GOT1: variants seen among roughly 807,000 people sequenced by gnomAD.
GOT1 encodes the protein glutamic-oxaloacetic transaminase 1, also known as aspartate aminotransferase, cytoplasmic.
GOT1 carries 25 observed loss-of-function variants against 48.2 expected under a neutral mutation model. The observed-to-expected ratio is 0.52, with a 90% confidence interval of 0.38 to 0.72. The LOEUF is 0.72. GOT1 is among the 30% of genes least tolerant of loss of function. GOT1 has a pLI of 0.00. For synonymous variants in GOT1, 188 were observed against 193.8 expected (o/e 0.97, Z 0.25); for missense variants, 380 against 520.1 (o/e 0.73, Z 2.62).
At chr10:99,428,647 C>T (rs998681576) in intron 1 of GOT1, among the ~76,000 whole-genome samples, 2 of 152,138 alleles carry the variant, frequency 1.3e-5, no homozygotes, top group Non-Finnish European at 2.9e-5. Context: ...CGTGAGCCAC[C>T]GTGGCAGGCA....
chr10:99,427,320 G>C (rs1338306636), intron 1 of GOT1, among the ~76,000 whole-genome samples: 2 of 152,106 alleles, frequency 1.3e-5, no homozygotes, highest in African/African-American at 4.8e-5. Context: ...CCAGGCTGGA[G>C]TGCAGTGGCG....
At chr10:99,414,804 A>T (rs2032872739) in intron 2 of GOT1, among the ~76,000 whole-genome samples, 1 of 152,174 alleles carries the variant, frequency 6.6e-6, no homozygotes, top group African/African-American at 2.4e-5. Flanking sequence ...AAACCGCTCA[A>T]CTACATGAAA....
In GOT1 at chr10:99,406,196, G is replaced by A. The variant is rs374549839; in HGVS notation, c.478C>T (p.Arg160Cys). 2.0e-5 allele frequency: 33 copies of A among 1,613,944 alleles called. No homozygotes were observed. In the Middle Eastern group the frequency reaches 5.0e-4, roughly 24 times the overall value. The change falls in exon 4 of 9, where the codon CGC (arginine) becomes TGC (cysteine). Residue 160 changes from arginine to cysteine, a missense_variant. Transcript: ENST00000370508. Reference sequence around the variant, plus strand: ...CCTCTCTTCTCTGCATCCCAGTAGCGATAGGACCGAATGTCTTTAAAACCA... The same window carrying A: ...CCTCTCTTCTCTGCATCCCAGTAGCAATAGGACCGAATGTCTTTAAAACCA... ...AAGFKDIRSY[R>C]YWDAEKRGLD...
rs558527016 is a variant in GOT1 at position 99,404,825 on chromosome 10, A to C, written c.642+931T>G. Among the ~76,000 whole-genome samples the C allele has an allele frequency of 2.6e-5, 4 of 152,146 alleles. No homozygotes were observed. In the South Asian group the frequency reaches 8.3e-4, roughly 32 times the overall value. The stretch of plus-strand genomic sequence containing the variant: ...TCTAGCCTCATCACTCACACTCCCC[A>C]TGATGTCTGCCTGGGGCTTCTGACC... On this transcript the variant is annotated intron_variant, in intron 5 of 8. Transcript: ENST00000370508.
At position 99,430,117 on chromosome 10, in the gene GOT1, A is replaced by C. The variant is rs1376788959; in HGVS notation, c.118+331T>G. ...AGCCTATCAGGCTTCCTATTTTTCT[A>C]CCTCTCTCTACAAGCTCCGGCAGCC... On this transcript the variant is annotated intron_variant, in intron 1 of 8. Transcript: ENST00000370508. The C allele has an allele frequency of 1.4e-5, 7 of 489,996 alleles. No individual in the cohort carries two copies. The East Asian group carries it at 4.1e-4, about 28-fold the overall frequency. The allele number at this position is 489,996 out of a possible 1,614,324, so 30.4% of individuals were successfully genotyped here.
Position 99,402,732 on chromosome 10 carries a change from G to T in GOT1, c.960-10C>A. The T allele has an allele frequency of 1.9e-6, 3 of 1,611,592 alleles. No individual in the cohort carries two copies. The highest frequency in any genetic ancestry group is 2.5e-6 in the Non-Finnish European group (3 of 1,177,734). Reference sequence around the variant, plus strand: ...CTTCACATTACCTGTCCTGAAGCATGGACAGTGACGTAAATACCAATCCAG... The same window carrying T: ...CTTCACATTACCTGTCCTGAAGCATTGACAGTGACGTAAATACCAATCCAG... On this transcript the variant is annotated splice_polypyrimidine_tract_variant and intron_variant, in intron 7 of 8. Coordinates refer to ENST00000370508, the MANE Select transcript of GOT1 (RefSeq NM_002079.3).
intron 1 of GOT1, among the ~76,000 whole-genome samples, chr10:99,426,390 C>T (rs1416564184): frequency 6.6e-6 from 1 of 152,190 alleles, no homozygotes; most frequent in African/African-American, 2.4e-5. Context: ...ACTTCCCTCA[C>T]CTATCCCCAC....
chr10:99,417,052 T>C (rs1411826577), intron 2 of GOT1, among the ~76,000 whole-genome samples: 2 of 152,188 alleles, frequency 1.3e-5, no homozygotes, highest in African/African-American at 2.4e-5. Context: ...CCAAAAGCAA[T>C]GTCAACAAAA....
chr10:99,414,951 G>A (rs1370111917), intron 2 of GOT1, among the ~76,000 whole-genome samples: 3 of 150,662 alleles, frequency 2.0e-5, no homozygotes, highest in African/African-American at 7.3e-5. Flanking sequence ...AGTGTGTAGA[G>A]GGAAATTTAT....
intron 1 of GOT1, among the ~76,000 whole-genome samples, chr10:99,423,152 C>T (rs1333045043): frequency 2.6e-5 from 4 of 152,158 alleles, no homozygotes; most frequent in African/African-American, 7.2e-5. Context: ...GCCTTACGCA[C>T]TGAGTGTATT....
Position 99,397,696 on chromosome 10 carries a change from AC to A in GOT1, c.1103-11del. The A allele has an allele frequency of 6.2e-7, 1 of 1,613,880 alleles. No homozygotes were observed. Among genetic ancestry groups the A allele is most frequent in the Non-Finnish European group, 8.5e-7 (1 of 1,179,748 alleles). ...TACTCAACCTGCTTGGCTGTTGAAAACCAAAAGAAGACATAATCAGAGCAGA... is the reference window on the plus strand; with the variant it reads ...TACTCAACCTGCTTGGCTGTTGAAAACAAAAGAAGACATAATCAGAGCAGA... On this transcript the variant is annotated splice_polypyrimidine_tract_variant and intron_variant, in intron 8 of 8. Transcript: ENST00000370508. This position sits in a 1 kb window ranked among gnomAD's most constrained non-coding sequence, Gnocchi z 5.4.
intron 5 of GOT1, among the ~76,000 whole-genome samples, chr10:99,405,520 G>C (rs1479018671): frequency 1.4e-5 from 2 of 143,500 alleles, no homozygotes; most frequent in African/African-American, 2.6e-5. Flanking sequence ...CATAAAACTA[G>C]ACACACACAC....
chr10:99,402,890 G>A (rs2032700081), intron 7 of GOT1, among the ~76,000 whole-genome samples, 168 bp from the exon 8 acceptor site: 1 of 152,188 alleles, frequency 6.6e-6, no homozygotes, highest in Non-Finnish European at 1.5e-5. Flanking sequence ...CAGAGAGAGA[G>A]ACTTAGGGGG....
At chr10:99,411,766 T>C (rs1480850046) in intron 2 of GOT1, among the ~76,000 whole-genome samples, 1 of 152,156 alleles carries the variant, frequency 6.6e-6, no homozygotes, top group Non-Finnish European at 1.5e-5. Flanking sequence ...CTGGCTCTAG[T>C]AGTGGGCATC....
intron 1 of GOT1, among the ~76,000 whole-genome samples, chr10:99,421,856 A>G (rs2134108368): frequency 6.6e-6 from 1 of 152,258 alleles, no homozygotes; most frequent in Non-Finnish European, 1.5e-5. Context: ...TCTGCCCAAA[A>G]TTAATCCCTG....
chr10:99,417,885 C>T (rs1431870138), intron 2 of GOT1, among the ~76,000 whole-genome samples: 1 of 152,028 alleles, frequency 6.6e-6, no homozygotes, highest in Non-Finnish European at 1.5e-5. Context: ...GAGAACATCA[C>T]ACACGGGTCC....
At chr10:99,411,389 A>G (rs898344420) in intron 2 of GOT1, among the ~76,000 whole-genome samples, 1 of 152,262 alleles carries the variant, frequency 6.6e-6, no homozygotes, top group African/African-American at 2.4e-5. Context: ...TCTCCTCAAA[A>G]TGGGTAAAGG....
chr10:99,419,116 T>G (rs2032935642), intron 2 of GOT1, among the ~76,000 whole-genome samples: 2 of 152,204 alleles, frequency 1.3e-5, no homozygotes, highest in Non-Finnish European at 2.9e-5. Context: ...TCAGGGCATC[T>G]GGGTAACATG....
intron 1 of GOT1, among the ~76,000 whole-genome samples, chr10:99,425,209 G>A (rs920041542): frequency 1.3e-5 from 2 of 152,212 alleles, no homozygotes; most frequent in African/African-American, 4.8e-5. Context: ...ATGCGAGAGG[G>A]CACACCTGTG....
Sources: allele counts gnomAD v4.1 joint callset (sites outside exome capture counted in the v4.1 genomes callset), GRCh38; gene constraint gnomAD v4.1.1; non-coding constraint Gnocchi (gnomAD v3.1); transcripts MANE v1.5; gene names NCBI Gene and HGNC (gene_info 2026-07-23, HGNC 2026-07-21).